MTUS1: variants seen among roughly 807,000 people sequenced by gnomAD.
MTUS1 encodes microtubule associated scaffold protein 1, also known as microtubule-associated tumor suppressor 1.
MTUS1 carries 109 observed loss-of-function variants against 120.8 expected under a neutral mutation model. That is an observed-to-expected ratio of 0.90 (90% CI 0.77 to 1.06). MTUS1 has a LOEUF of 1.06. Among genes scored for constraint, MTUS1 ranks in the 50% least tolerant of loss-of-function variants. The pLI is 0.00. For missense variants in MTUS1, 2,210 were observed against 1,486.3 expected (o/e 1.49, Z -8.01); for synonymous variants, 737 against 550.5 (o/e 1.34, Z -4.74).
chr8:17,788,662 T>C (rs2051511385), intron 1 of MTUS1, among the ~76,000 whole-genome samples: 1 of 152,148 alleles, frequency 6.6e-6, no homozygotes, highest in Admixed American at 6.5e-5. Flanking sequence ...TATTTCTCAA[T>C]CTAAGTCAAC....
intron 8 of MTUS1, among the ~76,000 whole-genome samples, chr8:17,657,373 C>G (rs1488591993): frequency 2.6e-5 from 4 of 151,262 alleles, no homozygotes; most frequent in African/African-American, 7.3e-5. Context: ...TCGAGACCAT[C>G]CCGGCTAAAA....
At chr8:17,686,785 T>C (rs976320558) in intron 6 of MTUS1, among the ~76,000 whole-genome samples, 9 of 152,178 alleles carry the variant, frequency 5.9e-5, no homozygotes, top group Admixed American at 2.0e-4. Flanking sequence ...ATACATGTAA[T>C]TGTACTAACA....
At chr8:17,657,204 G>A (rs1047605269) in intron 8 of MTUS1, among the ~76,000 whole-genome samples, 1 of 151,678 alleles carries the variant, frequency 6.6e-6, no homozygotes, top group East Asian at 1.9e-4. Context: ...AATATCTTAG[G>A]GAAAAAAAAA....
intron 6 of MTUS1, among the ~76,000 whole-genome samples, chr8:17,696,146 C>T (rs528262041): frequency 3.9e-5 from 6 of 152,280 alleles, no homozygotes; most frequent in Non-Finnish European, 7.3e-5. Flanking sequence ...AGGAGGGCCA[C>T]TGCTGACCTC....
chr8:17,731,735 C>T (rs999873201), intron 3 of MTUS1, among the ~76,000 whole-genome samples: 1 of 152,090 alleles, frequency 6.6e-6, no homozygotes, highest in South Asian at 2.1e-4. Flanking sequence ...AAAAAAAAAT[C>T]CTATGCCCCC....
chr8:17,648,869 G>C (rs923569589), intron 13 of MTUS1, among the ~76,000 whole-genome samples: 1 of 152,218 alleles, frequency 6.6e-6, no homozygotes, highest in South Asian at 2.1e-4. Context: ...GCAAGGCACC[G>C]CGAGGGCGGG....
At chr8:17,743,439 G>C (rs1466345544) in intron 3 of MTUS1, among the ~76,000 whole-genome samples, 165 bp downstream of exon 3, 1 of 152,196 alleles carries the variant, frequency 6.6e-6, no homozygotes. Flanking sequence ...CTTGCTCAAA[G>C]ATAAGGGATA....
At chr8:17,683,039 G>A (rs1315251740) in intron 7 of MTUS1, among the ~76,000 whole-genome samples, 6 of 152,224 alleles carry the variant, frequency 3.9e-5, no homozygotes, top group Non-Finnish European at 5.9e-5. Flanking sequence ...TTGGGAGGCC[G>A]AGGCAGACAG....
chr8:17,736,514 A>G (rs900101777), intron 3 of MTUS1, among the ~76,000 whole-genome samples: 20 of 152,244 alleles, frequency 1.3e-4, no homozygotes, highest in Non-Finnish European at 2.9e-5. Context: ...TCGCCCTCTC[A>G]GTGAGGCCTT....
intron 7 of MTUS1, among the ~76,000 whole-genome samples, chr8:17,682,825 C>T (rs1431636882): frequency 2.0e-5 from 3 of 152,204 alleles, no homozygotes; most frequent in Non-Finnish European, 2.9e-5. Context: ...TATAAACACA[C>T]TCTTGATTCC....
At chr8:17,679,101 A>C (rs934795175) in intron 7 of MTUS1, among the ~76,000 whole-genome samples, 2 of 151,448 alleles carry the variant, frequency 1.3e-5, no homozygotes, top group African/African-American at 4.8e-5. Context: ...GACTTGCAAC[A>C]AAAGCATGGT....
intron 1 of MTUS1, among the ~76,000 whole-genome samples, chr8:17,777,282 CA>C (rs894224283): frequency 6.6e-6 from 1 of 151,254 alleles, no homozygotes; most frequent in Admixed American, 6.6e-5. Context: ...ACTAAAAGTA[CA>C]AAAAAAATTA....
rs755177918 is a variant in MTUS1 at position 17,653,235 on chromosome 8, T to G, written c.3335A>C (p.Lys1112Thr). The G allele has an allele frequency of 3.8e-6, 6 of 1,559,056 alleles. No homozygotes were observed. In the East Asian group the frequency reaches 1.1e-4, roughly 29 times the overall value. Residue 1112 changes from lysine to threonine, a missense_variant, in exon 12 of 15, where the codon AAA (lysine) becomes ACA (threonine). Coordinates refer to ENST00000693296, the MANE Select transcript of MTUS1 (RefSeq NM_001363059.2). ...LKSENDALNE[K>T]LKSEEQKRRA... ...TCTTTTTTGTTCTTCTGATTTCAATTTTTCATTTAAAGCATCATTTTCACT... is the reference window on the plus strand; with the variant it reads ...TCTTTTTTGTTCTTCTGATTTCAATGTTTCATTTAAAGCATCATTTTCACT...
At chr8:17,706,397 C>T (rs1475861177) in intron 6 of MTUS1, among the ~76,000 whole-genome samples, 1 of 152,074 alleles carries the variant, frequency 6.6e-6, no homozygotes, top group Non-Finnish European at 1.5e-5. Flanking sequence ...CATCCCGTGC[C>T]TTAAAAGTTC....
At chr8:17,704,839 G>A (rs1479937881) in intron 6 of MTUS1, among the ~76,000 whole-genome samples, 1 of 152,092 alleles carries the variant, frequency 6.6e-6, no homozygotes, top group Admixed American at 6.5e-5. Context: ...CACTGAATCT[G>A]TAGATCTCTT....
chr8:17,654,420 C>T, intron 10 of MTUS1, 141 bp downstream of exon 10: 1 of 632,338 alleles, frequency 1.6e-6, no homozygotes, highest in Non-Finnish European at 2.8e-6. Flanking sequence ...ATAAACCACG[C>T]AAAAAGGAAC....
intron 1 of MTUS1, among the ~76,000 whole-genome samples, chr8:17,765,053 G>C (rs914900226): frequency 3.3e-5 from 5 of 152,176 alleles, no homozygotes; most frequent in African/African-American, 9.7e-5. Context: ...GAAGTGATGG[G>C]AGACAGTGAC....
At chr8:17,726,479 G>A (rs1402412564) in intron 3 of MTUS1, among the ~76,000 whole-genome samples, 3 of 152,166 alleles carry the variant, frequency 2.0e-5, no homozygotes, top group Admixed American at 1.3e-4. Flanking sequence ...GGTCTAGCAT[G>A]GAGTGAGACT....
At chr8:17,677,975 C>T (rs1166211201) in intron 7 of MTUS1, among the ~76,000 whole-genome samples, 1 of 152,126 alleles carries the variant, frequency 6.6e-6, no homozygotes, top group Non-Finnish European at 1.5e-5. Context: ...ATGGGGCCTA[C>T]CTAGAACTAG....
Sources: allele counts gnomAD v4.1 joint callset (sites outside exome capture counted in the v4.1 genomes callset), GRCh38; gene constraint gnomAD v4.1.1; transcripts MANE v1.5; gene names NCBI Gene and HGNC (gene_info 2026-07-23, HGNC 2026-07-21).